The following POU2AF2 variants were observed in gnomAD, a reference collection of about 807,000 sequenced individuals.
POU2AF2 encodes POU class 2 homeobox associating factor 2.
the POU2AF2 span, among the ~76,000 whole-genome samples, chr11:111,265,842 G>T: frequency 6.8e-6 from 1 of 146,852 alleles, no homozygotes; most frequent in African/African-American, 2.6e-5. Flanking sequence ...GGTAACTTTT[G>T]TAGGTTTGAA....
the POU2AF2 span, among the ~76,000 whole-genome samples, chr11:111,260,084 A>C: frequency 7.2e-5 from 11 of 152,344 alleles, no homozygotes; most frequent in East Asian, 1.7e-3. Context: ...TTGCAAACGC[A>C]ATCCAATAAG....
chr11:111,271,752 C>T, the POU2AF2 span, among the ~76,000 whole-genome samples: 3 of 152,180 alleles, frequency 2.0e-5, no homozygotes. Flanking sequence ...GTGGCTCACG[C>T]CTGTAATTCC....
chr11:111,252,234 G>T, the POU2AF2 span, among the ~76,000 whole-genome samples: 1 of 152,092 alleles, frequency 6.6e-6, no homozygotes, highest in African/African-American at 2.4e-5. Context: ...GTAGATTAGA[G>T]TTGACCACCC....
At chr11:111,269,396 T>G in the POU2AF2 span, among the ~76,000 whole-genome samples, 1 of 152,150 alleles carries the variant, frequency 6.6e-6, no homozygotes, top group Non-Finnish European at 1.5e-5. Context: ...ACATTCCCAG[T>G]GCTTTCTGTG....
chr11:111,278,366 G>A, the POU2AF2 span, among the ~76,000 whole-genome samples: 4 of 152,172 alleles, frequency 2.6e-5, no homozygotes, highest in East Asian at 1.9e-4. Flanking sequence ...GTTCGAACTC[G>A]AGGTTGATAT....
the POU2AF2 span, among the ~76,000 whole-genome samples, chr11:111,284,987 AG>A: frequency 1.3e-5 from 2 of 152,320 alleles, no homozygotes; most frequent in East Asian, 3.9e-4. Context: ...CAAAAGGGAG[AG>A]GATGAGAATT....
At chr11:111,276,453 A>AAAATATAG in the POU2AF2 span, among the ~76,000 whole-genome samples, 7 of 37,692 alleles carry the variant, frequency 1.9e-4, no homozygotes, top group Non-Finnish European at 3.5e-4. Context: ...AAAAAAAAAA[A>AAAATATAG]ATATATATAT....
At chr11:111,257,432 T>C in the POU2AF2 span, among the ~76,000 whole-genome samples, 1 of 151,506 alleles carries the variant, frequency 6.6e-6, no homozygotes, top group Non-Finnish European at 1.5e-5. Context: ...CAATCTCGGC[T>C]CACTGCAACT....
the POU2AF2 span, chr11:111,256,239 A>G: frequency 2.5e-6 from 1 of 396,314 alleles, no homozygotes; most frequent in Non-Finnish European, 4.4e-6. Context: ...TTATTCTGTG[A>G]CAGACAATCT....
chr11:111,271,448 C>T, the POU2AF2 span, among the ~76,000 whole-genome samples: 4 of 151,882 alleles, frequency 2.6e-5, no homozygotes, highest in South Asian at 8.3e-4. Flanking sequence ...CTGAGACAAG[C>T]TCTCACTCTG....
At chr11:111,252,725 G>A in the POU2AF2 span, among the ~76,000 whole-genome samples, 1 of 151,718 alleles carries the variant, frequency 6.6e-6, no homozygotes, top group Non-Finnish European at 1.5e-5. Flanking sequence ...TCTTCCCTCT[G>A]TCCTCTTCAA....
At chr11:111,258,884 G>T in the POU2AF2 span, among the ~76,000 whole-genome samples, 1 of 152,188 alleles carries the variant, frequency 6.6e-6, no homozygotes, top group African/African-American at 2.4e-5. Context: ...TCTCTCTTCA[G>T]ATAAGAACTT....
At chr11:111,273,785 CA>C in the POU2AF2 span, among the ~76,000 whole-genome samples, 1 of 152,116 alleles carries the variant, frequency 6.6e-6, no homozygotes, top group Non-Finnish European at 1.5e-5. Context: ...CCTATTAGTT[CA>C]AATTAACTCA....
chr11:111,246,446 G>A, the POU2AF2 span, among the ~76,000 whole-genome samples: 4 of 152,196 alleles, frequency 2.6e-5, no homozygotes, highest in African/African-American at 7.2e-5. Flanking sequence ...TCAACAGAGA[G>A]CAAAGCCCAC....
chr11:111,264,445 G>A, the POU2AF2 span, among the ~76,000 whole-genome samples: 151 of 150,280 alleles, frequency 1.0e-3, no homozygotes, highest in Middle Eastern at 3.4e-3. Flanking sequence ...GCAGTGAGGC[G>A]AGATTGCACC....
At chr11:111,274,762 T>C in the POU2AF2 span, among the ~76,000 whole-genome samples, 1 of 152,042 alleles carries the variant, frequency 6.6e-6, no homozygotes, top group Non-Finnish European at 1.5e-5. Flanking sequence ...AGGATGCTTT[T>C]CTATTTTTAA....
At chr11:111,271,333 A>G in the POU2AF2 span, among the ~76,000 whole-genome samples, 1 of 152,096 alleles carries the variant, frequency 6.6e-6, no homozygotes, top group African/African-American at 2.4e-5. Flanking sequence ...CAAAAAAAAA[A>G]AGAAAGAGAG....
the POU2AF2 span, among the ~76,000 whole-genome samples, chr11:111,262,956 G>C: frequency 2.0e-5 from 3 of 152,218 alleles, no homozygotes; most frequent in South Asian, 4.1e-4. Context: ...ACTATTCCAA[G>C]TGGTCTGTTT....
the POU2AF2 span, among the ~76,000 whole-genome samples, chr11:111,257,678 T>A: frequency 3.3e-5 from 5 of 152,172 alleles, no homozygotes; most frequent in African/African-American, 1.2e-4. Flanking sequence ...CCAGCCGTTA[T>A]CCTTTCTTTT....
Sources: gnomAD v4.1 joint callset for allele counts (sites outside exome capture counted in the v4.1 genomes callset) on GRCh38, gnomAD v4.1.1 for gene constraint, MANE v1.5 for transcripts, NCBI Gene and HGNC (gene_info 2026-07-23, HGNC 2026-07-21) for gene names.